The following IFT22 variants were observed in gnomAD, a reference collection of about 807,000 sequenced individuals.
IFT22 encodes intraflagellar transport protein 22 homolog.
A neutral mutation model predicts 21.0 loss-of-function variants in IFT22; 13 were observed. The observed-to-expected ratio is 0.62, with a 90% CI of 0.40 to 0.98. The LOEUF (loss-of-function observed/expected upper bound fraction) is 0.98, where lower values mean the gene tolerates loss of function less well. Ranked by LOEUF, IFT22 falls within the 50% of genes least tolerant of loss-of-function variation. The pLI, the probability that IFT22 is intolerant of heterozygous loss-of-function variation, is 0.00. For missense variants in IFT22, 227 were observed against 228.9 expected (o/e 0.99, Z 0.06); for synonymous variants, 67 against 82.4 (o/e 0.81, Z 1.01).
chr7:101,320,018 G>A (rs921316177), intron 1 of IFT22, among the ~76,000 whole-genome samples: 23 of 151,564 alleles, frequency 1.5e-4, no homozygotes, highest in Admixed American at 1.1e-3. Context: ...GTGCAATGGC[G>A]CGATCTTGGC....
chr7:101,316,084 C>T (rs58660040), intron 4 of IFT22: 52,246 of 426,124 alleles, frequency 0.12, 4,301 homozygotes, highest in Admixed American at 0.29. Context: ...CTGCAATCTC[C>T]GCCTCCTGGG....
chr7:101,319,094 G>A, intron 1 of IFT22, 62 bp from the exon 2 acceptor site: 1 of 1,556,062 alleles, frequency 6.4e-7, no homozygotes, highest in Non-Finnish European at 8.9e-7. Context: ...CCAAAAAAAT[G>A]ACCCCAAGAG....
Position 101,319,102 on chromosome 7 carries a change from G to C in IFT22, c.40-70C>G, listed in dbSNP as rs745394477. On this transcript the variant is annotated intron_variant, in intron 1 of 4. Transcript: ENST00000315322. The stretch of plus-strand genomic sequence containing the variant: ...AAGGAAACCAAAAAAATGACCCCAA[G>C]AGGTGGCCTGGAACCCGGTGTGGTG... The C allele has an allele frequency of 4.9e-5, 75 of 1,517,290 alleles. 1 individual carries two copies. Among genetic ancestry groups the C allele is most frequent in the Non-Finnish European group, 5.7e-5 (62 of 1,096,442 alleles). 94.0% of individuals were successfully genotyped at this position (1,517,290 alleles called of 1,614,324 possible). A position where few individuals can be genotyped will look rare whatever the true frequency, so the allele number is the denominator to read the frequency against.
Position 101,313,918 on chromosome 7 carries a change from G to C in IFT22, c.*1216C>G, listed in dbSNP as rs1433284783. The C allele has an allele frequency of 6.6e-6, 1 of 152,108 alleles. No individual in the cohort carries two copies. Among genetic ancestry groups the C allele is most frequent in the African/African-American group, 2.4e-5 (1 of 41,412 alleles). 9.4% of individuals were successfully genotyped at this position (152,108 alleles called of 1,614,324 possible). A position where few individuals can be genotyped will look rare whatever the true frequency, so the allele number is the denominator to read the frequency against. On this transcript the variant is annotated 3_prime_UTR_variant, in exon 5 of 5. Transcript: ENST00000315322. ...GTTGCCCAGGCTGGAGTATAGTGGC[G>C]CGATCTCGGCTCAGTGCAATCTCTG...
In IFT22 at chr7:101,321,779, C is replaced by G. The variant is rs1240631072; in HGVS notation, c.-70G>C. On this transcript the variant is annotated 5_prime_UTR_variant, in exon 1 of 5. Coordinates refer to ENST00000315322, the MANE Select transcript of IFT22 (RefSeq NM_022777.4). ...CGCGTCAGGACGGAGCTCTACTTGG[C>G]CGCTTTCGTTTCCATGGCGACGGAG... 1.2e-5 allele frequency: 18 copies of G among 1,443,178 alleles called. No individual in the cohort carries two copies. The highest frequency in any genetic ancestry group is 1.8e-4 in the Middle Eastern group (1 of 5,546). The allele number at this position is 1,443,178 out of a possible 1,614,324, so 89.4% of individuals were successfully genotyped here.
At chr7:101,318,684 T>G (rs1790237555) in intron 2 of IFT22, 2 of 387,002 alleles carry the variant, frequency 5.2e-6, no homozygotes, top group Middle Eastern at 7.5e-4. Flanking sequence ...TCACCCAGGC[T>G]GGAGTGCAGT....
rs1252439542 is a variant in IFT22, at chr7:101,316,507, G to A, written c.242C>T (p.Ala81Val). The A allele has an allele frequency of 6.8e-6, 11 of 1,614,050 alleles. 1 individual carries two copies. In the South Asian group the frequency reaches 7.7e-5, roughly 11 times the overall value. ...ESCWPALMKDAHGVVIVFNAD... is the reference protein window; with the variant it reads ...ESCWPALMKDVHGVVIVFNAD... The stretch of plus-strand genomic sequence containing the variant: ...ATTGAAGACGATCACCACTCCATGA[G>A]CATCCTTCATCAGGGCCGGCCAGCA... The change falls in exon 4 of 5, where the codon GCT becomes GTT. Residue 81 changes from alanine (A) to valine (V), a missense_variant. Ala to Val is a moderately conservative substitution (Grantham distance 64). Transcript: ENST00000315322.
chr7:101,318,824 C>T (rs545077508), intron 2 of IFT22, 132 bp downstream of exon 2: 8 of 658,674 alleles, frequency 1.2e-5, no homozygotes, highest in East Asian at 2.7e-5. Flanking sequence ...TTAGTTGAGA[C>T]GGGGTCTCCC....
intron 2 of IFT22, chr7:101,318,486 C>T (rs537243400): frequency 9.2e-6 from 3 of 327,052 alleles, no homozygotes; most frequent in South Asian, 3.6e-5. Context: ...TGCCACCACA[C>T]TCCAGCCTCA....
Position 101,315,095 on chromosome 7 carries a change from G to T in IFT22, c.*39C>A. 3 of 1,598,810 alleles carry T rather than the reference G, an allele frequency of 1.9e-6. No homozygotes were observed. Among genetic ancestry groups the T allele is most frequent in the South Asian group, 1.1e-5 (1 of 90,662 alleles). Reference sequence around the variant, plus strand: ...TCAGATCTGCACCGAGAAACATGCTGATTTCACTGGGGATGTGGCAGTCCC... The same window carrying T: ...TCAGATCTGCACCGAGAAACATGCTTATTTCACTGGGGATGTGGCAGTCCC... On this transcript the variant is annotated 3_prime_UTR_variant, in exon 5 of 5. Transcript: ENST00000315322.
At position 101,316,406 on chromosome 7, in the gene IFT22, T is replaced by C; in HGVS notation, c.343A>G (p.Thr115Ala). Residue 115 changes from threonine (T) to alanine (A), a missense_variant, in exon 4 of 5, where the codon ACA (threonine) becomes GCA (alanine). Physicochemically the swap from Thr to Ala is moderately conservative, Grantham distance 58. Coordinates refer to ENST00000315322, the MANE Select transcript of IFT22 (RefSeq NM_022777.4). ...TGGTGTGCAATTAGCATACACTGTG[T>C]GTCCTGTAAGGACGGCTGTTGGACA... ...CFVQQPSLQD[T>A]QCMLIAHHKP... 6.2e-7 allele frequency: 1 copy of C among 1,614,214 alleles called. No homozygotes were observed. The highest frequency in any genetic ancestry group is 8.5e-7 in the Non-Finnish European group (1 of 1,180,036).
In IFT22 at chr7:101,321,744, C is replaced by T; in HGVS notation, c.-35G>A. The T allele has an allele frequency of 6.4e-7, 1 of 1,569,704 alleles. No individual in the cohort carries two copies. The highest frequency in any genetic ancestry group is 8.6e-7 in the Non-Finnish European group (1 of 1,157,102). On this transcript the variant is annotated 5_prime_UTR_variant, in exon 1 of 5. In the 5' UTR this introduces an upstream ATG that the reference lacks. Transcript: ENST00000315322. ...CCGCGGCTTAGCCGGCCGGAGCCCA[C>T]GGGAGGCGGCGCGTCAGGACGGAGC...
chr7:101,320,558 CTTTTTTTT>C (rs397889268), intron 1 of IFT22, among the ~76,000 whole-genome samples: 1 of 101,634 alleles, frequency 9.8e-6, no homozygotes, highest in Admixed American at 9.4e-5. Context: ...CGCGCCCGGC[CTTTTTTTT>C]TTTTTTTTTT....
At chr7:101,315,314 A>G (rs377036032) in intron 4 of IFT22, 32 bp from the exon 5 acceptor site, 7 of 1,613,500 alleles carry the variant, frequency 4.3e-6, no homozygotes, top group Non-Finnish European at 5.9e-6. Context: ...AATTAGGCAA[A>G]GAGTTTCCAT....
At position 101,312,392 on chromosome 7, in the gene IFT22, T is replaced by C. The variant is rs1034411667; in HGVS notation, c.*2742A>G. 6.6e-6 allele frequency among the ~76,000 whole-genome samples: 1 copy of C among 152,064 alleles called. No individual in the cohort carries two copies. Among genetic ancestry groups the C allele is most frequent in the African/African-American group, 2.4e-5 (1 of 41,398 alleles). On this transcript the variant is annotated 3_prime_UTR_variant, in exon 5 of 5. Coordinates refer to ENST00000315322, the MANE Select transcript of IFT22 (RefSeq NM_022777.4). ...CTGCTGTGAGCTGTGGTCATGCCACTGCACTCCAGCCGGGATGACAGAGTG... is the reference window on the plus strand; with the variant it reads ...CTGCTGTGAGCTGTGGTCATGCCACCGCACTCCAGCCGGGATGACAGAGTG...
intron 1 of IFT22, among the ~76,000 whole-genome samples, chr7:101,320,849 A>T (rs1790322231): frequency 6.6e-6 from 1 of 152,066 alleles, no homozygotes; most frequent in African/African-American, 2.4e-5. Context: ...GTCTCTACAA[A>T]TAATTAACAA....
intron 2 of IFT22, 179 bp from the exon 3 acceptor site, chr7:101,318,392 C>A (rs1376726030): frequency 6.5e-6 from 3 of 458,108 alleles, no homozygotes; most frequent in Middle Eastern, 6.7e-4. Flanking sequence ...TGATGGTGTG[C>A]ACCTGTGATC....
At chr7:101,320,933 G>C (rs1368155331) in intron 1 of IFT22, among the ~76,000 whole-genome samples, 3 of 152,080 alleles carry the variant, frequency 2.0e-5, no homozygotes, top group Non-Finnish European at 4.4e-5. Flanking sequence ...GATCACTTGA[G>C]GTCAGCAGAG....
Position 101,321,804 on chromosome 7 carries a change from G to C in IFT22, c.-95C>G. The C allele has an allele frequency of 8.3e-7, 1 of 1,200,402 alleles. No homozygotes were observed. Among genetic ancestry groups the C allele is most frequent in the Non-Finnish European group, 1.1e-6 (1 of 942,634 alleles). The allele number at this position is 1,200,402 out of a possible 1,614,324, so 74.4% of individuals were successfully genotyped here. A position where few individuals can be genotyped will look rare whatever the true frequency, so the allele number is the denominator to read the frequency against. On this transcript the variant is annotated 5_prime_UTR_variant, in exon 1 of 5. Transcript: ENST00000315322. Reference sequence around the variant, plus strand: ...CCGCTTTCGTTTCCATGGCGACGGAGAGAGGCCCGCAGGGCCGACGGGACT... The same window carrying C: ...CCGCTTTCGTTTCCATGGCGACGGACAGAGGCCCGCAGGGCCGACGGGACT...
Sources: allele counts gnomAD v4.1 joint callset (sites outside exome capture counted in the v4.1 genomes callset), GRCh38; gene constraint gnomAD v4.1.1; transcripts MANE v1.5; gene names NCBI Gene and HGNC (gene_info 2026-07-23, HGNC 2026-07-21).